The following TAT variants were observed in gnomAD, a reference collection of about 807,000 sequenced individuals.
The protein encoded by TAT is L-tyrosine:2-oxoglutarate aminotransferase.
TAT carries 35 observed loss-of-function variants against 53.6 expected under a neutral mutation model. That is an observed-to-expected ratio of 0.65 (90% CI 0.50 to 0.87). The LOEUF (loss-of-function observed/expected upper bound fraction) is 0.87, where lower values mean the gene tolerates loss of function less well. Among genes scored for constraint, TAT ranks in the 40% least tolerant of loss-of-function variants. The pLI, the probability that TAT is intolerant of heterozygous loss-of-function variation, is 0.00. For synonymous variants in TAT, 197 were observed against 206.5 expected, an observed-to-expected ratio of 0.95 and a Z score of 0.39; for missense variants, 525 against 571.8, an observed-to-expected ratio of 0.92 and a Z score of 0.83.
At chr16:71,569,337 CTT>C (rs111800199) in intron 10 of TAT, among the ~76,000 whole-genome samples, 9 of 147,922 alleles carry the variant, frequency 6.1e-5, no homozygotes, top group Admixed American at 2.0e-4. Flanking sequence ...AAAATTAAAT[CTT>C]TTTTTTTTTT....
At chr16:71,572,112 G>A in intron 6 of TAT, 74 bp downstream of exon 6, 2 of 1,590,942 alleles carry the variant, frequency 1.3e-6, no homozygotes, top group South Asian at 2.2e-5. Context: ...GGGAATGACT[G>A]GTTTTTGTCA....
chr16:71,575,791 C>A (rs948023250), intron 3 of TAT, 131 bp downstream of exon 3: 13 of 1,001,744 alleles, frequency 1.3e-5, no homozygotes, highest in African/African-American at 1.1e-4. Context: ...ATCCAAAGGA[C>A]CATGTAATCT....
chr16:71,570,452 T>C (rs2044194289), intron 8 of TAT, 55 bp from the exon 9 acceptor site: 6 of 1,613,972 alleles, frequency 3.7e-6, no homozygotes, highest in Non-Finnish European at 4.2e-6. Flanking sequence ...CATCTCTGTC[T>C]TAGAGTTTCT....
chr16:71,575,903 A>T lies in TAT; in HGVS notation c.340+19T>A, dbSNP rs372038941. The T allele has an allele frequency of 4.4e-6, 7 of 1,607,128 alleles. No individual in the cohort carries two copies. The African/African-American group carries it at 9.4e-5, about 21-fold the overall frequency. On this transcript the variant is annotated intron_variant, in intron 3 of 11. Coordinates refer to ENST00000355962, the MANE Select transcript of TAT (RefSeq NM_000353.3). ...AAGATTTGGCAGTCACCAGGTATGG[A>T]GTCTCAGGAGGAGCTTACCGATGGA...
Position 71,568,281 on chromosome 16 carries a change from A to T in TAT, c.1228T>A (p.Phe410Ile). The change falls in exon 12 of 12, where the codon TTT becomes ATT. Residue 410 changes from phenylalanine to isoleucine, a missense_variant. Phe to Ile is a conservative substitution (Grantham distance 21). Coordinates refer to ENST00000355962, the MANE Select transcript of TAT (RefSeq NM_000353.3). ...QSVHCLPATC[F>I]EYPNFIRVVI... Reference sequence around the variant, plus strand: ...ACTCGGATGAAATTCGGGTACTCAAAGCACTGCAAAAAGAAGAGTCTGTTA... The same window carrying T: ...ACTCGGATGAAATTCGGGTACTCAATGCACTGCAAAAAGAAGAGTCTGTTA... 6.2e-7 allele frequency: 1 copy of T among 1,614,158 alleles called. No homozygotes were observed. Among genetic ancestry groups the T allele is most frequent in the South Asian group, 1.1e-5 (1 of 91,074 alleles).
chr16:71,569,088 G>A (rs184743286), intron 10 of TAT, among the ~76,000 whole-genome samples: 1 of 152,230 alleles, frequency 6.6e-6, no homozygotes, highest in East Asian at 1.9e-4. Flanking sequence ...TGGCATTAGG[G>A]CCAGGCAACT....
At chr16:71,575,857 A>T in intron 3 of TAT, 65 bp downstream of exon 3, 1 of 1,414,274 alleles carries the variant, frequency 7.1e-7, no homozygotes. Context: ...CTAGACATTT[A>T]GTCCTGTTAT....
Position 71,570,205 on chromosome 16 carries a change from A to G in TAT, c.1041+64T>C, listed in dbSNP as rs2044191727. The G allele has an allele frequency of 2.5e-6, 4 of 1,612,318 alleles. No homozygotes were observed. The South Asian group carries it at 4.4e-5, about 18-fold the overall frequency. ...CCAGAAAGGAGAACCAATTATTCCT[A>G]ATTCCACGGGCGGCATTCTCTGACT... On this transcript the variant is annotated intron_variant, in intron 9 of 11. Transcript: ENST00000355962.
chr16:71,574,621 T>G (rs1213082976), intron 3 of TAT, among the ~76,000 whole-genome samples: 1 of 149,720 alleles, frequency 6.7e-6, no homozygotes, highest in Non-Finnish European at 1.5e-5. Flanking sequence ...TTGTAATCAG[T>G]GCATTCAATT....
In TAT at chr16:71,570,358, C is replaced by T. The variant is rs1298187102; in HGVS notation, c.952G>A (p.Gly318Arg). The T allele has an allele frequency of 6.2e-7, 1 of 1,614,016 alleles. No homozygotes were observed. Among genetic ancestry groups the T allele is most frequent in the Non-Finnish European group, 8.5e-7 (1 of 1,180,032 alleles). Residue 318 changes from glycine to arginine, a missense_variant, in exon 9 of 12, where the codon GGA (glycine) becomes AGA (arginine). Physicochemically the swap from Gly to Arg is moderately radical, Grantham distance 125. Coordinates refer to ENST00000355962, the MANE Select transcript of TAT (RefSeq NM_000353.3). ...GLVKLSQRIL[G>R]PCTIVQGALK... ...GCTCCCTGGACAATGGTACAGGGTC[C>T]CAAAATGCGCTGACTCAGCTTCACC...
At position 71,569,902 on chromosome 16, in the gene TAT, G is replaced by A. The variant is rs1271055571; in HGVS notation, c.1077C>T (p.Ala359=). 1.2e-6 allele frequency: 2 copies of A among 1,613,936 alleles called. No individual in the cohort carries two copies. The highest frequency in any genetic ancestry group is 1.3e-5 in the African/African-American group (1 of 75,040). ...GGCGGACTGGCCGGAGTCCAGGGAT[G>A]GCAGCCAACGCCCCATAACAGAGAT... ...NADLCYGALA[A]IPGLRPVRPS... The change falls in exon 10 of 12, where the codon GCC becomes GCT. Residue 359 remains alanine (A), a synonymous_variant. Coordinates refer to ENST00000355962, the MANE Select transcript of TAT (RefSeq NM_000353.3).
chr16:71,576,090 C>G, intron 2 of TAT, 64 bp from the exon 3 acceptor site: 2 of 1,609,372 alleles, frequency 1.2e-6, no homozygotes, highest in Non-Finnish European at 1.7e-6. Flanking sequence ...AGTACTCAGA[C>G]TCACCCCCAA....
chr16:71,568,545 G>T, intron 11 of TAT, 166 bp downstream of exon 11: 1 of 727,926 alleles, frequency 1.4e-6, no homozygotes, highest in Non-Finnish European at 2.3e-6. Context: ...ATGATGGGGG[G>T]GAGAAGCAAA....
rs374743856 is a variant in TAT, at chr16:71,576,548, A to AT, written c.-12-122dup. 1.6e-3 allele frequency: 1,319 copies of AT among 837,750 alleles called. 3 individuals are homozygous for AT. The highest frequency in any genetic ancestry group is 7.7e-3 in the African/African-American group (448 of 58,478). 51.9% of individuals were successfully genotyped at this position (837,750 alleles called of 1,614,324 possible). A position where few individuals can be genotyped will look rare whatever the true frequency, so the allele number is the denominator to read the frequency against. On this transcript the variant is annotated intron_variant, in intron 1 of 11. Transcript: ENST00000355962. ...AAGTGTCTTTCCAAACTCTCTCTTT[A>AT]TTTTTTTTTCTACTTTCTGTTGTAA...
intron 2 of TAT, 36 bp from the exon 3 acceptor site, chr16:71,576,062 G>C: frequency 2.5e-6 from 4 of 1,612,228 alleles, no homozygotes; most frequent in Non-Finnish European, 3.4e-6. Flanking sequence ...GGAGCCAAGA[G>C]GTTATTCTCC....
rs1169609060 is a variant in TAT, at chr16:71,573,569, G to A, written c.378C>T (p.Tyr126=). The A allele has an allele frequency of 4.5e-6, 7 of 1,555,082 alleles. No homozygotes were observed. The highest frequency in any genetic ancestry group is 1.4e-5 in the African/African-American group (1 of 73,216). The change falls in exon 4 of 12, where the codon TAC becomes TAT. Residue 126 remains tyrosine (Y), a synonymous_variant. Coordinates refer to ENST00000355962, the MANE Select transcript of TAT (RefSeq NM_000353.3). ...CTTCTAGGGGTGCCTCAGGACAGTG[G>A]TAATAAGAAGCAATCTCCTCCCGAC... ...LSSREEIASY[Y]HCPEAPLEAK... is the part of the protein sequence containing the mutation.
chr16:71,572,388 T>C, intron 5 of TAT, 64 bp from the exon 6 acceptor site: 1 of 1,610,202 alleles, frequency 6.2e-7, no homozygotes, highest in Non-Finnish European at 8.5e-7. Context: ...TCCTCACTTA[T>C]CTCAAGGGTC....
rs1198952387 is a variant in TAT at position 71,572,177 on chromosome 16, T to C, written c.706+9A>G. On this transcript the variant is annotated intron_variant, in intron 6 of 11. Transcript: ENST00000355962. ...CCACCTCGTCCTCTGTGAAGTCTGC[T>C]GGACGTACCTGCCAGAATCTTCTGA... The C allele has an allele frequency of 6.2e-7, 1 of 1,614,088 alleles. No individual in the cohort carries two copies. Among genetic ancestry groups the C allele is most frequent in the Admixed American group, 1.7e-5 (1 of 60,022 alleles).
In TAT at chr16:71,573,595, T is replaced by A; in HGVS notation, c.352A>T (p.Ser118Cys). ...TAATAAGAAGCAATCTCCTCCCGAC[T>A]GGATAGGAAGCCTGAAAGAAAAGAG... ...GYAPSIGFLSSREEIASYYHC... is the reference protein window; with the variant it reads ...GYAPSIGFLSCREEIASYYHC... The change falls in exon 4 of 12, where the codon AGT becomes TGT. Residue 118 changes from serine to cysteine, a missense_variant. Physicochemically the swap from Ser to Cys is moderately radical, Grantham distance 112. Transcript: ENST00000355962. 2 of 1,553,992 alleles carry A rather than the reference T, an allele frequency of 1.3e-6. No homozygotes were observed. The highest frequency in any genetic ancestry group is 1.2e-5 in the South Asian group (1 of 84,186).
Sources: gnomAD v4.1 joint callset for allele counts (sites outside exome capture counted in the v4.1 genomes callset) on GRCh38, gnomAD v4.1.1 for gene constraint, MANE v1.5 for transcripts, NCBI Gene and HGNC (gene_info 2026-07-23, HGNC 2026-07-21) for gene names.